The following SYT1 variants were observed in gnomAD, a reference collection of about 807,000 sequenced individuals.
The protein encoded by SYT1 is synaptotagmin-1.
SYT1 carries 8 observed loss-of-function variants against 44.8 expected under a neutral mutation model. That is an observed-to-expected ratio of 0.18 (90% CI 0.10 to 0.32). The LOEUF is 0.32. Among genes scored for constraint, SYT1 ranks in the 10% least tolerant of loss-of-function variants. SYT1 has a pLI of 1.00. For missense variants in SYT1, 286 were observed against 509.3 expected, an observed-to-expected ratio of 0.56 and a Z score of 4.22; for synonymous variants, 154 against 188.8, an observed-to-expected ratio of 0.82 and a Z score of 1.51.
intron 2 of SYT1, among the ~76,000 whole-genome samples, chr12:78,985,316 T>C (rs913585957): frequency 5.9e-5 from 9 of 151,876 alleles, no homozygotes; most frequent in African/African-American, 2.2e-4. Context: ...ACTATCACAA[T>C]TTTCTAGGTG....
chr12:79,439,560 G>A (rs1870284542), intron 9 of SYT1, among the ~76,000 whole-genome samples: 1 of 152,148 alleles, frequency 6.6e-6, no homozygotes, highest in South Asian at 2.1e-4. Flanking sequence ...GTGAGTTGAA[G>A]GAGAGTCTGA....
intron 3 of SYT1, among the ~76,000 whole-genome samples, chr12:79,080,834 T>G (rs1266149256): frequency 1.3e-5 from 2 of 152,168 alleles, no homozygotes; most frequent in African/African-American, 4.8e-5. Flanking sequence ...TACCTTCCAC[T>G]TTCAATACTT....
intron 1 of SYT1, among the ~76,000 whole-genome samples, chr12:78,976,203 T>G (rs983272977): frequency 6.6e-6 from 1 of 152,180 alleles, no homozygotes; most frequent in Non-Finnish European, 1.5e-5. Flanking sequence ...GAACCTATCT[T>G]TTCTCTTTTT....
At chr12:79,317,932 T>C (rs1214759345) in intron 8 of SYT1, among the ~76,000 whole-genome samples, 1 of 152,162 alleles carries the variant, frequency 6.6e-6, no homozygotes, top group Non-Finnish European at 1.5e-5. Context: ...TTTGGTGTGT[T>C]AATGTCAGCA....
intron 8 of SYT1, among the ~76,000 whole-genome samples, chr12:79,337,997 T>A (rs1410626034): frequency 6.6e-6 from 1 of 152,194 alleles, no homozygotes; most frequent in Non-Finnish European, 1.5e-5. Flanking sequence ...GGACATGTGG[T>A]TGACAGAGGG....
intron 2 of SYT1, among the ~76,000 whole-genome samples, chr12:79,016,988 G>C (rs1871849846): frequency 6.6e-6 from 1 of 152,022 alleles, no homozygotes; most frequent in Non-Finnish European, 1.5e-5. Flanking sequence ...TATGGACAAG[G>C]GGCTTATTGT....
intron 2 of SYT1, among the ~76,000 whole-genome samples, chr12:79,028,037 G>A (rs1833496740): frequency 6.6e-6 from 1 of 151,460 alleles, no homozygotes; most frequent in African/African-American, 2.4e-5. Flanking sequence ...GGGAAAAAGA[G>A]GATATTGAAT....
chr12:79,388,051 C>T (rs183529113), intron 9 of SYT1, among the ~76,000 whole-genome samples: 1 of 152,304 alleles, frequency 6.6e-6, no homozygotes, highest in East Asian at 1.9e-4. Flanking sequence ...TTTGCTATCT[C>T]ATGAAGACCA....
chr12:79,278,783 G>C (rs1345279075), intron 4 of SYT1, among the ~76,000 whole-genome samples: 3 of 151,772 alleles, frequency 2.0e-5, no homozygotes, highest in Non-Finnish European at 2.9e-5. Flanking sequence ...AAAGAAGAAA[G>C]AGAATTTAAA....
intron 3 of SYT1, among the ~76,000 whole-genome samples, chr12:79,213,125 C>G (rs76335971): frequency 6.6e-6 from 1 of 152,040 alleles, no homozygotes; most frequent in East Asian, 1.9e-4. Context: ...CTTTGAGATA[C>G]AACTAGAATT....
At chr12:79,324,302 C>A (rs965838456) in intron 8 of SYT1, among the ~76,000 whole-genome samples, 1 of 152,108 alleles carries the variant, frequency 6.6e-6, no homozygotes, top group Non-Finnish European at 1.5e-5. Flanking sequence ...AGGGAGATAA[C>A]ACATTTGATG....
At chr12:79,242,136 C>T (rs976745735) in intron 4 of SYT1, among the ~76,000 whole-genome samples, 5 of 152,170 alleles carry the variant, frequency 3.3e-5, no homozygotes, top group African/African-American at 1.2e-4. Context: ...TTCAGTCACC[C>T]AGTTTGTGGT....
intron 9 of SYT1, among the ~76,000 whole-genome samples, chr12:79,360,614 G>A (rs968382314): frequency 6.6e-6 from 1 of 152,192 alleles, no homozygotes; most frequent in African/African-American, 2.4e-5. Flanking sequence ...TCAGGGTCAA[G>A]CAATAATATG....
chr12:79,110,671 A>AT, intron 3 of SYT1, among the ~76,000 whole-genome samples: 1 of 152,212 alleles, frequency 6.6e-6, no homozygotes, highest in Admixed American at 6.5e-5. Flanking sequence ...GAACCAATAC[A>AT]TTTTTTAAAA....
chr12:78,904,794 A>C (rs1175868749), intron 1 of SYT1, among the ~76,000 whole-genome samples: 6 of 152,152 alleles, frequency 3.9e-5, no homozygotes. Context: ...TTTAACCTGA[A>C]AGATCAAATT....
intron 8 of SYT1, among the ~76,000 whole-genome samples, chr12:79,328,676 C>A (rs1170844526): frequency 1.3e-5 from 2 of 151,986 alleles, no homozygotes; most frequent in African/African-American, 4.8e-5. Context: ...GAAACCCCGT[C>A]TCTACTAAAA....
In SYT1 at chr12:79,215,927, T is replaced by C. The variant is rs1038868940; in HGVS notation, c.-17-1576T>C. Among the ~76,000 whole-genome samples, 859 of 125,118 alleles carry C rather than the reference T, an allele frequency of 6.9e-3. 9 individuals carry two copies. The highest frequency in any genetic ancestry group is 0.024 in the Middle Eastern group (6 of 254). The allele number at this position is 125,118 out of a possible 152,430, so 82.1% of individuals were successfully genotyped here. On this transcript the variant is annotated intron_variant, in intron 3 of 10. Coordinates refer to ENST00000261205, the MANE Select transcript of SYT1 (RefSeq NM_005639.3). ...TCGTTTGCATTTCTTTCTTTTTTTT[T>C]TTTTTTTTTTTTTTTTTTTTTGAGA...
At chr12:79,304,453 T>A (rs1438141332) in intron 8 of SYT1, among the ~76,000 whole-genome samples, 1 of 152,214 alleles carries the variant, frequency 6.6e-6, no homozygotes, top group Non-Finnish European at 1.5e-5. Context: ...TACAGATGCT[T>A]AGCAAAATCA....
intron 3 of SYT1, among the ~76,000 whole-genome samples, chr12:79,135,847 G>A (rs1455684725): frequency 5.3e-5 from 8 of 152,182 alleles, no homozygotes; most frequent in Non-Finnish European, 1.2e-4. Flanking sequence ...GCCCTTAAGT[G>A]TGGTTGAATT....
Sources: allele counts gnomAD v4.1 joint callset (sites outside exome capture counted in the v4.1 genomes callset), GRCh38; gene constraint gnomAD v4.1.1; transcripts MANE v1.5; gene names NCBI Gene and HGNC (gene_info 2026-07-23, HGNC 2026-07-21).